The following GPR26 variants were observed in gnomAD, a reference collection of about 807,000 sequenced individuals.
GPR26 encodes the protein G protein-coupled receptor 26.
In GPR26, 15 loss-of-function variants were observed where a neutral mutation model predicts 23.1. The observed-to-expected ratio is 0.65, with a 90% CI of 0.43 to 1.00. The LOEUF (loss-of-function observed/expected upper bound fraction) is 1.00. Ranked by LOEUF, GPR26 falls within the 50% of genes least tolerant of loss-of-function variation. The pLI, the probability that GPR26 is intolerant of heterozygous loss-of-function variation, is 0.00. For synonymous variants in GPR26, 228 were observed against 222.1 expected, an observed-to-expected ratio of 1.03 and a Z score of -0.24; for missense variants, 359 against 470.5, an observed-to-expected ratio of 0.76 and a Z score of 2.19.
intron 2 of GPR26, among the ~76,000 whole-genome samples, chr10:123,679,820 C>T (rs1278747776): frequency 6.6e-6 from 1 of 152,078 alleles, no homozygotes; most frequent in East Asian, 1.9e-4. Context: ...GCTCCCAAAC[C>T]CCTTCCCCAG....
chr10:123,666,488 G>A lies in GPR26; in HGVS notation c.81G>A (p.Leu27=), dbSNP rs1461253916. The A allele has an allele frequency of 3.2e-6, 5 of 1,566,106 alleles. No homozygotes were observed. The highest frequency in any genetic ancestry group is 4.3e-6 in the Non-Finnish European group (5 of 1,161,136). Residue 27 remains leucine (L), a synonymous_variant, in exon 1 of 3, where the codon CTG becomes CTA. Coordinates refer to ENST00000284674, the MANE Select transcript of GPR26 (RefSeq NM_153442.4). ...CGCTGCTGTCCAACGCGCTGGTGCT[G>A]CTCTGCCTGCTGCACAGCGCGGACA... ...GVSLLSNALV[L]LCLLHSADIR...
intron 2 of GPR26, among the ~76,000 whole-genome samples, chr10:123,675,833 C>CGCGTGTGTGTGTGTGTGTGTGT (rs1845302700): frequency 7.5e-6 from 1 of 134,096 alleles, no homozygotes; most frequent in Non-Finnish European, 1.6e-5. Context: ...TGTGTGTGTA[C>CGCGTGTGTGTGTGTGTGTGTGT]GTGTGTGTGT....
At chr10:123,685,364 G>A (rs1159469262) in intron 2 of GPR26, among the ~76,000 whole-genome samples, 2 of 152,194 alleles carry the variant, frequency 1.3e-5, no homozygotes, top group Admixed American at 6.5e-5. Context: ...TCTCATCAAC[G>A]AAAGGAGCTG....
chr10:123,685,589 A>T (rs1467658253), intron 2 of GPR26, among the ~76,000 whole-genome samples: 1 of 152,240 alleles, frequency 6.6e-6, no homozygotes, highest in Non-Finnish European at 1.5e-5. Flanking sequence ...GATAAAGGCC[A>T]GACATTGGCT....
chr10:123,687,544 A>G (rs905773975), intron 2 of GPR26, among the ~76,000 whole-genome samples: 7 of 152,202 alleles, frequency 4.6e-5, no homozygotes, highest in African/African-American at 1.7e-4. Context: ...TTCTCAGTGC[A>G]GCTTGGATTT....
Position 123,666,579 on chromosome 10 carries a change from G to A in GPR26, c.172G>A (p.Val58Ile). ...LTCGNLLCTVVNMPLTLAGVV... is the reference protein window; with the variant it reads ...LTCGNLLCTVINMPLTLAGVV... ...GTGCGGGAACCTGCTGTGCACCGTGGTCAACATGCCGCTCACGCTGGCCGG... is the reference window on the plus strand; with the variant it reads ...GTGCGGGAACCTGCTGTGCACCGTGATCAACATGCCGCTCACGCTGGCCGG... Residue 58 changes from valine to isoleucine, a missense_variant, in exon 1 of 3, where the codon GTC becomes ATC. Transcript: ENST00000284674. 6.3e-7 allele frequency: 1 copy of A among 1,597,432 alleles called. No homozygotes were observed.
intron 2 of GPR26, 100 bp from the exon 3 acceptor site, chr10:123,687,829 C>G: frequency 1.4e-6 from 1 of 739,538 alleles, no homozygotes. Flanking sequence ...GGTTGGGCTG[C>G]GAAACCGTGG....
In GPR26 at chr10:123,688,040, A is replaced by G; in HGVS notation, c.894A>G (p.Arg298=). Residue 298 remains arginine, a synonymous_variant, in exon 3 of 3, where the codon CGA becomes CGG. Coordinates refer to ENST00000284674, the MANE Select transcript of GPR26 (RefSeq NM_153442.4). ...ASDPFVYSLL[R]HQYRKSCKEI... ...ACCCCTTTGTGTACTCCTTACTGCG[A>G]CACCAGTACCGCAAAAGCTGCAAGG... 1 of 1,613,450 alleles carries G rather than the reference A, an allele frequency of 6.2e-7. No individual in the cohort carries two copies. The highest frequency in any genetic ancestry group is 8.5e-7 in the Non-Finnish European group (1 of 1,179,396).
chr10:123,671,045 C>A (rs1845243908), intron 1 of GPR26, among the ~76,000 whole-genome samples: 1 of 152,150 alleles, frequency 6.6e-6, no homozygotes, highest in African/African-American at 2.4e-5. Context: ...AAACTCAGGG[C>A]TGTTGCCCTC....
chr10:123,680,833 G>GA, intron 2 of GPR26, among the ~76,000 whole-genome samples: 1 of 130,762 alleles, frequency 7.6e-6, no homozygotes, highest in East Asian at 2.4e-4. Flanking sequence ...TTTTTGGGGG[G>GA]GGGGGTTGTT....
At position 123,694,832 on chromosome 10, in the gene GPR26, T is replaced by C. The variant is rs1178799460; in HGVS notation, c.*6672T>C. On this transcript the variant is annotated 3_prime_UTR_variant, in exon 3 of 3. Transcript: ENST00000284674. ...TGAATCTCATTCATTTTGAGGGGCA[T>C]CTTCATTACACAGCGTGGGGAGGGA... 2.6e-5 allele frequency among the ~76,000 whole-genome samples: 4 copies of C among 152,078 alleles called. No individual in the cohort carries two copies. Among genetic ancestry groups the C allele is most frequent in the African/African-American group, 9.7e-5 (4 of 41,412 alleles).
chr10:123,671,512 G>A (rs562875900), intron 1 of GPR26, among the ~76,000 whole-genome samples: 1 of 152,260 alleles, frequency 6.6e-6, no homozygotes, highest in East Asian at 1.9e-4. Context: ...CACAGCCTTG[G>A]GACCTCCTCC....
intron 2 of GPR26, among the ~76,000 whole-genome samples, chr10:123,683,045 TGTGTGA>T (rs1187989175): frequency 1.3e-5 from 2 of 152,042 alleles, no homozygotes; most frequent in Non-Finnish European, 2.9e-5. Flanking sequence ...TGTGTGTGTG[TGTGTGA>T]GTGAGAGAGG....
chr10:123,682,048 A>T (rs1845383592), intron 2 of GPR26, among the ~76,000 whole-genome samples: 1 of 152,188 alleles, frequency 6.6e-6, no homozygotes. Flanking sequence ...ATGCCACAAC[A>T]CCAAAGACTG....
Position 123,695,933 on chromosome 10 carries a change from G to T in GPR26, c.*7773G>T, listed in dbSNP as rs533467878. 3.3e-5 allele frequency among the ~76,000 whole-genome samples: 5 copies of T among 152,262 alleles called. No individual in the cohort carries two copies. The highest frequency in any genetic ancestry group is 5.9e-5 in the Non-Finnish European group (4 of 68,036). On this transcript the variant is annotated 3_prime_UTR_variant, in exon 3 of 3. Coordinates refer to ENST00000284674, the MANE Select transcript of GPR26 (RefSeq NM_153442.4). ...CATCAGGATTTCCCCAGGGGAAAAT[G>T]GCTAACTCTGGATCACAAACAGCAC...
rs1481622030 is a variant in GPR26, at chr10:123,695,102, A to G, written c.*6942A>G. Among the ~76,000 whole-genome samples, 1 of 152,132 alleles carries G rather than the reference A, an allele frequency of 6.6e-6. No homozygotes were observed. Among genetic ancestry groups the G allele is most frequent in the Non-Finnish European group, 1.5e-5 (1 of 68,024 alleles). On this transcript the variant is annotated 3_prime_UTR_variant, in exon 3 of 3. Coordinates refer to ENST00000284674, the MANE Select transcript of GPR26 (RefSeq NM_153442.4). The stretch of plus-strand genomic sequence containing the variant: ...TCAATCACCCTCCCTTCACTCCCAC[A>G]CCTATCTCCGGGTGTTGCCCGTACA...
rs1421460159 is a variant in GPR26, at chr10:123,692,738, G to A, written c.*4578G>A. 6.6e-6 allele frequency: 1 copy of A among 152,188 alleles called. No homozygotes were observed. The highest frequency in any genetic ancestry group is 1.5e-5 in the Non-Finnish European group (1 of 68,052). 9.4% of individuals were successfully genotyped at this position (152,188 alleles called of 1,614,324 possible). ...ATCATAATCTTTTGATGTAGGTGCT[G>A]TTATTATCTCTACGTTACACATCTG... On this transcript the variant is annotated 3_prime_UTR_variant, in exon 3 of 3. Transcript: ENST00000284674.
At chr10:123,677,635 T>C (rs1845324437) in intron 2 of GPR26, among the ~76,000 whole-genome samples, 1 of 152,114 alleles carries the variant, frequency 6.6e-6, no homozygotes, top group African/African-American at 2.4e-5. Context: ...GGGACATTGA[T>C]CTTGTAGTCC....
At chr10:123,672,242 A>C (rs1845259508) in intron 1 of GPR26, among the ~76,000 whole-genome samples, 1 of 152,180 alleles carries the variant, frequency 6.6e-6, no homozygotes, top group African/African-American at 2.4e-5. Context: ...GAGTGGAAAA[A>C]TCACTCTCTC....
Sources: gnomAD v4.1 joint callset for allele counts (sites outside exome capture counted in the v4.1 genomes callset) on GRCh38, gnomAD v4.1.1 for gene constraint, MANE v1.5 for transcripts, NCBI Gene and HGNC (gene_info 2026-07-23, HGNC 2026-07-21) for gene names.